The following SLC26A7 variants were observed in gnomAD, a reference collection of about 807,000 sequenced individuals.
SLC26A7 encodes the protein solute carrier family 26 member 7.
Under a neutral mutation model 82.5 loss-of-function variants are expected in SLC26A7, and 59 were observed. The observed-to-expected ratio is 0.72, with a 90% CI of 0.58 to 0.89. The LOEUF is 0.89. Among genes scored for constraint, SLC26A7 ranks in the 40% least tolerant of loss-of-function variants. SLC26A7 has a pLI of 0.00. For synonymous variants in SLC26A7, 271 were observed against 274.3 expected, an observed-to-expected ratio of 0.99 and a Z score of 0.12; for missense variants, 820 against 793.0, an observed-to-expected ratio of 1.03 and a Z score of -0.41.
chr8:91,395,406 G>A lies in SLC26A7; in HGVS notation c.*309G>A, dbSNP rs1808540820. Reference sequence around the variant, plus strand: ...TATTTTGTGTTGTTTTATTTCTATTGTGCTGTAAGTTGATGTTTAAAATTG... The same window carrying A: ...TATTTTGTGTTGTTTTATTTCTATTATGCTGTAAGTTGATGTTTAAAATTG... On this transcript the variant is annotated 3_prime_UTR_variant, in exon 19 of 19. Coordinates refer to ENST00000276609, the MANE Select transcript of SLC26A7 (RefSeq NM_052832.4). 5.5e-6 allele frequency: 2 copies of A among 366,366 alleles called. No homozygotes were observed. The highest frequency in any genetic ancestry group is 2.1e-5 in the African/African-American group (1 of 46,682). 22.7% of individuals were successfully genotyped at this position (366,366 alleles called of 1,614,324 possible).
chr8:91,395,545 A>G lies in SLC26A7; in HGVS notation c.*448A>G. ...TTAGCAAATGTGCCATTTTCACACA[A>G]CTTCTCTCTGTATAGGCCTCTGAAA... On this transcript the variant is annotated 3_prime_UTR_variant, in exon 19 of 19. Transcript: ENST00000276609. The G allele has an allele frequency of 6.2e-6, 1 of 161,352 alleles. No homozygotes were observed. Among genetic ancestry groups the G allele is most frequent in the Non-Finnish European group, 1.4e-5 (1 of 73,374 alleles). 10.0% of individuals were successfully genotyped at this position (161,352 alleles called of 1,614,324 possible).
chr8:91,363,941 G>GTTTTTTT (rs5893169), intron 13 of SLC26A7, among the ~76,000 whole-genome samples: 6 of 135,694 alleles, frequency 4.4e-5, no homozygotes, highest in Non-Finnish European at 4.8e-5. Context: ...TCATGGTATT[G>GTTTTTTT]TTTTTTTTTT....
chr8:91,371,448 T>C (rs1814359122), intron 15 of SLC26A7, among the ~76,000 whole-genome samples: 1 of 151,886 alleles, frequency 6.6e-6, no homozygotes. Flanking sequence ...TATGTCCATG[T>C]GTACTTATTG....
intron 1 of SLC26A7, among the ~76,000 whole-genome samples, chr8:91,216,894 T>C (rs528799763): frequency 2.0e-5 from 3 of 152,292 alleles, no homozygotes; most frequent in East Asian, 1.9e-4. Flanking sequence ...CCCAATACAA[T>C]GTGCACATTC....
chr8:91,336,451 TATG>T (rs1230625152), intron 6 of SLC26A7, among the ~76,000 whole-genome samples: 1 of 152,042 alleles, frequency 6.6e-6, no homozygotes, highest in Non-Finnish European at 1.5e-5. Context: ...GCGTGCTTCT[TATG>T]ATAATCTAGT....
At chr8:91,326,761 C>T (rs1191677110) in intron 5 of SLC26A7, among the ~76,000 whole-genome samples, 1 of 152,162 alleles carries the variant, frequency 6.6e-6, no homozygotes, top group Non-Finnish European at 1.5e-5. Flanking sequence ...AATTTATTCC[C>T]ACATTTCTGG....
intron 5 of SLC26A7, among the ~76,000 whole-genome samples, chr8:91,330,299 A>G (rs147478316): frequency 6.6e-6 from 1 of 152,218 alleles, no homozygotes; most frequent in Non-Finnish European, 1.5e-5. Flanking sequence ...TGCAGAATTC[A>G]GGCTCAACCT....
chr8:91,378,038 G>A (rs1410457291), intron 15 of SLC26A7, among the ~76,000 whole-genome samples: 2 of 151,934 alleles, frequency 1.3e-5, no homozygotes, highest in Admixed American at 6.6e-5. Context: ...TATTTCTCAA[G>A]TCTTCACTAT....
chr8:91,241,954 T>G (rs1170752433), intron 2 of SLC26A7, among the ~76,000 whole-genome samples: 2 of 152,172 alleles, frequency 1.3e-5, no homozygotes, highest in African/African-American at 4.8e-5. Context: ...TTTTCCCTAG[T>G]TTTGAAATTT....
intron 5 of SLC26A7, among the ~76,000 whole-genome samples, chr8:91,322,793 A>G (rs1382225468): frequency 2.6e-5 from 4 of 152,176 alleles, no homozygotes; most frequent in Admixed American, 2.0e-4. Flanking sequence ...CAATATATTC[A>G]GCCATCCTTC....
At chr8:91,352,627 A>G (rs575053683) in intron 10 of SLC26A7, among the ~76,000 whole-genome samples, 1 of 152,226 alleles carries the variant, frequency 6.6e-6, no homozygotes, top group African/African-American at 2.4e-5. Flanking sequence ...TAGCTTCATG[A>G]TGTTCACCCT....
At chr8:91,267,234 TTTATC>T (rs1189978433) in intron 2 of SLC26A7, among the ~76,000 whole-genome samples, 11 of 151,880 alleles carry the variant, frequency 7.2e-5, no homozygotes, top group African/African-American at 2.7e-4. Flanking sequence ...TTGTTGTGTC[TTTATC>T]TTATTTTGGT....
chr8:91,324,202 T>A (rs1326904673), intron 5 of SLC26A7, among the ~76,000 whole-genome samples: 2 of 152,222 alleles, frequency 1.3e-5, no homozygotes, highest in Non-Finnish European at 2.9e-5. Context: ...ATCTTATCAA[T>A]ACATATTCTA....
At chr8:91,313,375 A>G (rs1307530592) in intron 4 of SLC26A7, among the ~76,000 whole-genome samples, 1 of 152,170 alleles carries the variant, frequency 6.6e-6, no homozygotes, top group Non-Finnish European at 1.5e-5. Context: ...TGCTTTGATT[A>G]CTATAGCTTT....
intron 2 of SLC26A7, among the ~76,000 whole-genome samples, chr8:91,277,055 C>G (rs187192619): frequency 6.6e-6 from 1 of 152,306 alleles, no homozygotes; most frequent in Admixed American, 6.5e-5. Flanking sequence ...CCTCTTTTCC[C>G]TTGCTTTCCT....
rs1814214040 is a variant in SLC26A7 at position 91,367,024 on chromosome 8, T to C, written c.1626+307T>C. Among the ~76,000 whole-genome samples the C allele has an allele frequency of 2.6e-5, 4 of 152,138 alleles. No individual in the cohort carries two copies. In the South Asian group the frequency reaches 8.3e-4, roughly 32 times the overall value. On this transcript the variant is annotated intron_variant, in intron 14 of 18. Coordinates refer to ENST00000276609, the MANE Select transcript of SLC26A7 (RefSeq NM_052832.4). ...CAACCTCCAAAGGATTTTTTTTTTTTTGAGATGGAGTCTCGCTGTGTCACC... is the reference window on the plus strand; with the variant it reads ...CAACCTCCAAAGGATTTTTTTTTTTCTGAGATGGAGTCTCGCTGTGTCACC...
intron 5 of SLC26A7, among the ~76,000 whole-genome samples, chr8:91,329,020 T>C (rs1470841562): frequency 6.6e-6 from 1 of 152,166 alleles, no homozygotes; most frequent in Non-Finnish European, 1.5e-5. Flanking sequence ...TAGGCAGTTC[T>C]GGTTAGATAG....
In SLC26A7 at chr8:91,212,134, A is replaced by G. The variant is rs113629665; in HGVS notation, c.-150+2592A>G. 4.2e-3 allele frequency among the ~76,000 whole-genome samples: 637 copies of G among 152,260 alleles called. 2 individuals are homozygous for G. The highest frequency in any genetic ancestry group is 0.014 in the African/African-American group (599 of 41,572). ...ATAATTTCAATGTAGTTGATATTTCAATATTAGCTACTAATGATATAAATC... is the reference window on the plus strand; with the variant it reads ...ATAATTTCAATGTAGTTGATATTTCGATATTAGCTACTAATGATATAAATC... On this transcript the variant is annotated intron_variant, in intron 1 of 5. Coordinates refer to the SLC26A7 transcript ENST00000522862.
chr8:91,329,004 A>T (rs1813006792), intron 5 of SLC26A7, among the ~76,000 whole-genome samples: 1 of 152,160 alleles, frequency 6.6e-6, no homozygotes, highest in South Asian at 2.1e-4. Context: ...GTTTTATTAA[A>T]CTGACTAGGC....
Sources: gnomAD v4.1 joint callset for allele counts (sites outside exome capture counted in the v4.1 genomes callset) on GRCh38, gnomAD v4.1.1 for gene constraint, MANE v1.5 for transcripts, NCBI Gene and HGNC (gene_info 2026-07-23, HGNC 2026-07-21) for gene names.